The following DSCAM variants were observed in gnomAD, a reference collection of about 807,000 sequenced individuals.
DSCAM encodes the protein DS cell adhesion molecule.
Under a neutral mutation model 217.7 loss-of-function variants are expected in DSCAM, and 47 were observed. The observed-to-expected ratio is 0.22, with a 90% CI of 0.17 to 0.28. The LOEUF (loss-of-function observed/expected upper bound fraction) is 0.28. Among genes scored for constraint, DSCAM ranks in the 10% least tolerant of loss-of-function variants. The pLI is 1.00. For synonymous variants in DSCAM, 1,056 were observed against 1,015.3 expected (o/e 1.04, Z -0.76); for missense variants, 2,080 against 2,618.3 (o/e 0.79, Z 4.49).
At chr21:40,058,576 G>A (rs2089066156) in intron 28 of DSCAM, among the ~76,000 whole-genome samples, 1 of 152,108 alleles carries the variant, frequency 6.6e-6, no homozygotes, top group Non-Finnish European at 1.5e-5. Flanking sequence ...GATTTATTTT[G>A]AGGGCACAAC....
chr21:40,349,244 T>C (rs754117571), intron 5 of DSCAM, among the ~76,000 whole-genome samples: 1 of 151,792 alleles, frequency 6.6e-6, no homozygotes, highest in Non-Finnish European at 1.5e-5. Context: ...ACTGGTGGGT[T>C]TGCCCTGGGC....
intron 3 of DSCAM, among the ~76,000 whole-genome samples, chr21:40,666,003 T>C (rs1238333050): frequency 6.6e-6 from 1 of 151,878 alleles, no homozygotes; most frequent in Non-Finnish European, 1.5e-5. Context: ...TTGGTAAATG[T>C]CTCTCCTGGC....
intron 3 of DSCAM, among the ~76,000 whole-genome samples, chr21:40,643,720 A>C (rs956771951): frequency 6.6e-6 from 1 of 152,176 alleles, no homozygotes; most frequent in Admixed American, 6.5e-5. Flanking sequence ...TAATCCAATG[A>C]CTGGTGTCCT....
chr21:40,787,722 A>T (rs2837818), intron 1 of DSCAM, among the ~76,000 whole-genome samples: 2 of 151,968 alleles, frequency 1.3e-5, no homozygotes, highest in South Asian at 2.1e-4. Context: ...CTCTTAGTAA[A>T]GGCAACCATT....
chr21:40,484,306 T>C (rs2076007146), intron 3 of DSCAM, among the ~76,000 whole-genome samples: 1 of 152,126 alleles, frequency 6.6e-6, no homozygotes, highest in African/African-American at 2.4e-5. Flanking sequence ...ATCCTATCTA[T>C]ACCTTAGCTT....
chr21:40,516,522 T>G (rs2076300841), intron 3 of DSCAM, among the ~76,000 whole-genome samples: 1 of 152,112 alleles, frequency 6.6e-6, no homozygotes, highest in East Asian at 1.9e-4. Context: ...TGAGGAACGG[T>G]GGCATGCCCA....
At chr21:40,049,563 C>T (rs1442036330) in intron 30 of DSCAM, among the ~76,000 whole-genome samples, 1 of 152,014 alleles carries the variant, frequency 6.6e-6, no homozygotes, top group Non-Finnish European at 1.5e-5. Context: ...AATGTCTGCC[C>T]CCTGACTAGG....
chr21:40,367,474 T>C (rs558457165), intron 4 of DSCAM, among the ~76,000 whole-genome samples: 77 of 152,352 alleles, frequency 5.1e-4, no homozygotes, highest in African/African-American at 1.6e-3. Flanking sequence ...TTTCAGTATA[T>C]TTAAATCTAA....
At chr21:40,676,583 AT>A (rs1344713102) in intron 3 of DSCAM, among the ~76,000 whole-genome samples, 4 of 152,190 alleles carry the variant, frequency 2.6e-5, no homozygotes, top group Admixed American at 2.0e-4. Context: ...ATTTTTAAAA[AT>A]TTTTTTACTT....
chr21:40,528,170 C>T (rs965697107), intron 3 of DSCAM, among the ~76,000 whole-genome samples: 2 of 152,262 alleles, frequency 1.3e-5, no homozygotes, highest in South Asian at 4.1e-4. Flanking sequence ...TAAGCACAGC[C>T]ATAGCCACAG....
intron 20 of DSCAM, among the ~76,000 whole-genome samples, chr21:40,112,602 C>T (rs997055967): frequency 6.6e-6 from 1 of 151,926 alleles, no homozygotes; most frequent in African/African-American, 2.4e-5. Context: ...AACAAAAAAC[C>T]CTTGAAAAAA....
chr21:40,235,729 G>A (rs2091423454), intron 11 of DSCAM, among the ~76,000 whole-genome samples: 1 of 151,606 alleles, frequency 6.6e-6, no homozygotes, highest in Non-Finnish European at 1.5e-5. Context: ...TTGCAGCTAG[G>A]AAGTTAATGA....
chr21:40,143,558 G>A (rs151298232), intron 17 of DSCAM, among the ~76,000 whole-genome samples: 3,158 of 152,272 alleles, frequency 0.021, 104 homozygotes, highest in African/African-American at 0.066. Context: ...TTTGGAGGCC[G>A]AGGCGGGCAG....
intron 3 of DSCAM, among the ~76,000 whole-genome samples, chr21:40,567,815 T>C (rs1429920874): frequency 6.6e-6 from 1 of 152,256 alleles, no homozygotes; most frequent in African/African-American, 2.4e-5. Context: ...TTAAATGGCA[T>C]GGATTTGAAA....
At chr21:40,296,290 C>T (rs3818651) in intron 9 of DSCAM, 116 bp from the exon 10 acceptor site, 127,796 of 1,225,046 alleles carry the variant, frequency 0.1, 13,332 homozygotes, top group African/African-American at 0.49. Flanking sequence ...CTGTTTCATA[C>T]ACATGGGACA....
intron 3 of DSCAM, among the ~76,000 whole-genome samples, chr21:40,604,065 A>C (rs2077083676): frequency 2.0e-5 from 3 of 150,462 alleles, no homozygotes; most frequent in South Asian, 4.2e-4. Flanking sequence ...CTCATTCTGC[A>C]TGTGTTATAC....
At chr21:40,342,744 C>T (rs1410192031) in intron 6 of DSCAM, among the ~76,000 whole-genome samples, 1 of 107,572 alleles carries the variant, frequency 9.3e-6, no homozygotes, top group Non-Finnish European at 1.8e-5. Context: ...GCACACCACG[C>T]CTTTTTTTTT....
chr21:40,577,372 T>C (rs373296688), intron 3 of DSCAM, among the ~76,000 whole-genome samples: 3 of 152,058 alleles, frequency 2.0e-5, no homozygotes, highest in African/African-American at 7.2e-5. Flanking sequence ...TGTTGAATTT[T>C]AGGGCACTGA....
At chr21:40,199,746 AG>A (rs1350689339) in intron 11 of DSCAM, among the ~76,000 whole-genome samples, 2 of 152,200 alleles carry the variant, frequency 1.3e-5, no homozygotes, top group East Asian at 3.9e-4. Flanking sequence ...GGACACAGGG[AG>A]GGGAACAACA....
Sources: allele counts gnomAD v4.1 joint callset (sites outside exome capture counted in the v4.1 genomes callset), GRCh38; gene constraint gnomAD v4.1.1; transcripts MANE v1.5; gene names NCBI Gene and HGNC (gene_info 2026-07-23, HGNC 2026-07-21).